TBC1D32: variants seen among roughly 807,000 people sequenced by gnomAD.
The protein encoded by TBC1D32 is TBC1 domain family member 32.
In TBC1D32, 151 loss-of-function variants were observed where a neutral mutation model predicts 170.3. The ratio of observed to expected loss-of-function variants is 0.89; its 90% confidence interval spans 0.78 to 1.01. The LOEUF (loss-of-function observed/expected upper bound fraction) is 1.01. Ranked by LOEUF, TBC1D32 falls within the 50% of genes least tolerant of loss-of-function variation. TBC1D32 has a pLI of 0.00. For synonymous variants in TBC1D32, 498 were observed against 488.0 expected, an observed-to-expected ratio of 1.02 and a Z score of -0.27; for missense variants, 1,464 against 1,457.1, an observed-to-expected ratio of 1.00 and a Z score of -0.08.
chr6:121,198,067 C>T (rs182544568), intron 22 of TBC1D32, among the ~76,000 whole-genome samples: 2 of 146,084 alleles, frequency 1.4e-5, no homozygotes, highest in East Asian at 1.9e-4. Flanking sequence ...AGAGTTGGAC[C>T]GGCTCTCCTT....
intron 15 of TBC1D32, among the ~76,000 whole-genome samples, chr6:121,270,303 CA>C (rs1453251741): frequency 6.6e-6 from 1 of 151,304 alleles, no homozygotes; most frequent in Non-Finnish European, 1.5e-5. Context: ...AAAAACCCTT[CA>C]AAAAAAATCA....
intron 16 of TBC1D32, 53 bp from the exon 17 acceptor site, chr6:121,255,463 T>TG: frequency 6.2e-6 from 2 of 320,374 alleles, no homozygotes. Context: ...TAGCCATATA[T>TG]TTATATTTTA....
At chr6:121,119,105 T>G (rs79537086) in intron 26 of TBC1D32, among the ~76,000 whole-genome samples, 1 of 152,170 alleles carries the variant, frequency 6.6e-6, no homozygotes, top group Non-Finnish European at 1.5e-5. Flanking sequence ...TTGACACTGA[T>G]GTCATTTTCT....
At chr6:121,172,907 T>A (rs1562763516) in intron 22 of TBC1D32, among the ~76,000 whole-genome samples, 2 of 152,212 alleles carry the variant, frequency 1.3e-5, no homozygotes, top group African/African-American at 4.8e-5. Context: ...GTAATTATAA[T>A]CTTTTTGTTG....
intron 3 of TBC1D32, among the ~76,000 whole-genome samples, chr6:121,313,490 A>G (rs1247713661): frequency 6.6e-6 from 1 of 151,538 alleles, no homozygotes; most frequent in Admixed American, 6.6e-5. Flanking sequence ...AGCAAGCAAA[A>G]ATAAGTTCAC....
At chr6:121,326,514 A>C (rs908700848) in intron 1 of TBC1D32, among the ~76,000 whole-genome samples, 32 of 152,342 alleles carry the variant, frequency 2.1e-4, no homozygotes, top group African/African-American at 7.5e-4. Context: ...TTTTTAAAAA[A>C]ATCTCCACCA....
chr6:121,280,201 C>CAT (rs10667037), intron 14 of TBC1D32, among the ~76,000 whole-genome samples: 150,270 of 151,900 alleles, frequency 0.99, 74,364 homozygotes, highest in East Asian at 1. Flanking sequence ...CCTTCTTTCA[C>CAT]GAGACTATAT....
intron 22 of TBC1D32, among the ~76,000 whole-genome samples, chr6:121,182,095 T>C (rs1295655797): frequency 6.6e-6 from 1 of 152,022 alleles, no homozygotes; most frequent in Non-Finnish European, 1.5e-5. Context: ...TATGACTAGG[T>C]AGTAAAATAT....
At position 121,278,163 on chromosome 6, in the gene TBC1D32, G is replaced by A. The variant is rs909507528; in HGVS notation, c.1733+958C>T. On this transcript the variant is annotated intron_variant, in intron 15 of 31. Transcript: ENST00000398212. Reference sequence around the variant, plus strand: ...ACACCAGGCTAAAATTGGTTTGCTGGTGAATTTTATAAAATATTTTATGAA... The same window carrying A: ...ACACCAGGCTAAAATTGGTTTGCTGATGAATTTTATAAAATATTTTATGAA... Among the ~76,000 whole-genome samples, 8 of 152,040 alleles carry A rather than the reference G, an allele frequency of 5.3e-5. No homozygotes were observed. The South Asian group carries it at 6.2e-4, about 12-fold the overall frequency.
intron 21 of TBC1D32, among the ~76,000 whole-genome samples, chr6:121,211,795 C>T (rs190166241): frequency 8.5e-5 from 13 of 152,294 alleles, no homozygotes; most frequent in Admixed American, 8.5e-4. Flanking sequence ...GGGAACACCA[C>T]TGTCCCAGTG....
intron 10 of TBC1D32, 51 bp downstream of exon 10, chr6:121,299,395 T>C: frequency 6.9e-7 from 1 of 1,440,424 alleles, no homozygotes; most frequent in South Asian, 1.2e-5. Flanking sequence ...TTACATCATA[T>C]ATATTCTGGT....
intron 22 of TBC1D32, chr6:121,170,272 T>C (rs1379052244): frequency 3.1e-5 from 29 of 930,972 alleles, no homozygotes; most frequent in Non-Finnish European, 4.6e-6. Context: ...TTAGCTGCTT[T>C]GTATTCTGTT....
At chr6:121,087,885 GATA>G (rs1469428365) in intron 31 of TBC1D32, among the ~76,000 whole-genome samples, 2 of 151,568 alleles carry the variant, frequency 1.3e-5, no homozygotes, top group African/African-American at 4.8e-5. Context: ...AGAGCGAGGG[GATA>G]ATGTGATTAA....
chr6:121,328,575 T>C (rs1219959108), intron 1 of TBC1D32, among the ~76,000 whole-genome samples: 1 of 152,068 alleles, frequency 6.6e-6, no homozygotes, highest in Admixed American at 6.6e-5. Context: ...TGAGCCACCA[T>C]GCCCGGCCTC....
intron 1 of TBC1D32, among the ~76,000 whole-genome samples, chr6:121,329,984 A>G (rs1164496843): frequency 6.6e-6 from 1 of 152,192 alleles, no homozygotes; most frequent in Non-Finnish European, 1.5e-5. Context: ...AGAAGGACAC[A>G]TAATTCTTGG....
intron 30 of TBC1D32, among the ~76,000 whole-genome samples, chr6:121,104,928 A>T (rs557137532): frequency 3.3e-5 from 5 of 151,954 alleles, no homozygotes; most frequent in African/African-American, 7.2e-5. Context: ...CTCAAAGTAT[A>T]TGTAGTATAT....
chr6:121,273,635 A>AT (rs1165453974), intron 15 of TBC1D32, among the ~76,000 whole-genome samples: 7 of 144,230 alleles, frequency 4.9e-5, no homozygotes, highest in East Asian at 3.1e-4. Flanking sequence ...TTAAAGTATA[A>AT]TTTAAAAAAA....
intron 24 of TBC1D32, among the ~76,000 whole-genome samples, chr6:121,137,624 G>A (rs1163639236): frequency 6.6e-6 from 1 of 151,766 alleles, no homozygotes; most frequent in African/African-American, 2.4e-5. Flanking sequence ...TCTTTGTTAT[G>A]GTAAGCATTA....
At position 121,307,964 on chromosome 6, in the gene TBC1D32, C is replaced by A; in HGVS notation, c.690+12G>T. On this transcript the variant is annotated intron_variant, in intron 5 of 31. Coordinates refer to ENST00000398212, the MANE Select transcript of TBC1D32 (RefSeq NM_152730.6). ...CAAATTATTTTTAATATTTCTATAA[C>A]CATTTTCTTACACTAAACACAGGAT... The A allele has an allele frequency of 6.2e-7, 1 of 1,606,296 alleles. No homozygotes were observed. Among genetic ancestry groups the A allele is most frequent in the Non-Finnish European group, 8.5e-7 (1 of 1,177,492 alleles).
Sources: gnomAD v4.1 joint callset for allele counts (sites outside exome capture counted in the v4.1 genomes callset) on GRCh38, gnomAD v4.1.1 for gene constraint, MANE v1.5 for transcripts, NCBI Gene and HGNC (gene_info 2026-07-23, HGNC 2026-07-21) for gene names.